The following SPAG16 variants were observed in gnomAD, a reference collection of about 807,000 sequenced individuals.
SPAG16 encodes the protein sperm-associated antigen 16 protein.
A neutral mutation model predicts 80.4 loss-of-function variants in SPAG16; 86 were observed. The observed-to-expected ratio is 1.07, with a 90% confidence interval of 0.90 to 1.28. The LOEUF (loss-of-function observed/expected upper bound fraction) is 1.28, where lower values mean the gene tolerates loss of function less well. Among genes scored for constraint, SPAG16 ranks in the 50% most tolerant of loss-of-function variants. SPAG16 has a pLI of 0.00. For synonymous variants in SPAG16, 294 were observed against 265.9 expected (o/e 1.11, Z -1.03); for missense variants, 870 against 765.3 (o/e 1.14, Z -1.61).
chr2:213,320,992 A>G (rs915626905), intron 5 of SPAG16, among the ~76,000 whole-genome samples: 11 of 152,124 alleles, frequency 7.2e-5, no homozygotes, highest in African/African-American at 2.7e-4. Flanking sequence ...TCAAATAGCA[A>G]TTAGTAATAA....
intron 15 of SPAG16, among the ~76,000 whole-genome samples, chr2:214,251,147 T>C (rs369767121): frequency 2.6e-5 from 4 of 151,868 alleles, no homozygotes; most frequent in African/African-American, 7.2e-5. Context: ...TATTGTAACA[T>C]TGTGAATAAA....
At chr2:213,509,354 T>C (rs946878109) in intron 10 of SPAG16, among the ~76,000 whole-genome samples, 1 of 152,196 alleles carries the variant, frequency 6.6e-6, no homozygotes, top group African/African-American at 2.4e-5. Flanking sequence ...TTCATAAATG[T>C]CTCTGAGAGA....
At chr2:213,872,386 C>T (rs1218092509) in intron 11 of SPAG16, among the ~76,000 whole-genome samples, 1 of 152,032 alleles carries the variant, frequency 6.6e-6, no homozygotes, top group African/African-American at 2.4e-5. Context: ...AAAAAGAAAA[C>T]AAATACACTA....
chr2:214,233,351 A>G (rs1688840668), intron 15 of SPAG16, among the ~76,000 whole-genome samples: 1 of 140,384 alleles, frequency 7.1e-6, no homozygotes, highest in South Asian at 2.1e-4. Flanking sequence ...AATAATGATG[A>G]TGATGATGAT....
chr2:213,542,888 T>G (rs2076498276), intron 10 of SPAG16, among the ~76,000 whole-genome samples: 1 of 152,020 alleles, frequency 6.6e-6, no homozygotes, highest in South Asian at 2.1e-4. Context: ...ATAATAAAAT[T>G]AAAATGAATC....
At chr2:214,268,402 G>A (rs886342825) in intron 15 of SPAG16, among the ~76,000 whole-genome samples, 2 of 151,878 alleles carry the variant, frequency 1.3e-5, no homozygotes, top group East Asian at 3.9e-4. Context: ...AACAATATAA[G>A]TGTCCATCAG....
chr2:213,558,859 C>T (rs1053133791), intron 10 of SPAG16, among the ~76,000 whole-genome samples: 30 of 151,984 alleles, frequency 2.0e-4, no homozygotes, highest in Non-Finnish European at 3.1e-4. Context: ...TACTTTTTTG[C>T]TCTTCTCTCC....
chr2:214,176,458 C>G (rs1410445749), intron 15 of SPAG16, among the ~76,000 whole-genome samples: 2 of 151,204 alleles, frequency 1.3e-5, no homozygotes, highest in African/African-American at 4.8e-5. Flanking sequence ...TATCCTGTAG[C>G]TGTAGTTTTC....
chr2:213,459,983 TG>T (rs111574810), intron 9 of SPAG16, among the ~76,000 whole-genome samples: 9 of 152,314 alleles, frequency 5.9e-5, no homozygotes, highest in African/African-American at 2.2e-4. Context: ...AGTATATTAT[TG>T]TTGAAAAATC....
chr2:213,980,450 C>CTA (rs1162201771), intron 12 of SPAG16, among the ~76,000 whole-genome samples: 2 of 31,738 alleles, frequency 6.3e-5, no homozygotes, highest in Non-Finnish European at 1.2e-4. Context: ...TATATATATT[C>CTA]TATATATATA....
At chr2:213,320,474 T>C (rs2063569350) in intron 5 of SPAG16, among the ~76,000 whole-genome samples, 1 of 152,006 alleles carries the variant, frequency 6.6e-6, no homozygotes, top group Admixed American at 6.6e-5. Context: ...GTAGTCACGC[T>C]ACTGTGATAT....
rs563665253 is a variant in SPAG16, at chr2:214,350,207, T to C, written c.1721-59933T>C. Among the ~76,000 whole-genome samples the C allele has an allele frequency of 2.6e-5, 4 of 152,382 alleles. No homozygotes were observed. In the East Asian group the frequency reaches 5.8e-4, roughly 22 times the overall value. On this transcript the variant is annotated intron_variant, in intron 15 of 15. Coordinates refer to ENST00000331683, the MANE Select transcript of SPAG16 (RefSeq NM_024532.5). ...ACTGGTTTCTTACCTCTGAAACTTATATCTTCCAGCAAATATAGAAAAATG... is the reference window on the plus strand; with the variant it reads ...ACTGGTTTCTTACCTCTGAAACTTACATCTTCCAGCAAATATAGAAAAATG...
intron 14 of SPAG16, among the ~76,000 whole-genome samples, chr2:214,128,414 C>T (rs1041163105): frequency 6.6e-5 from 10 of 151,918 alleles, no homozygotes; most frequent in South Asian, 2.1e-4. Context: ...CTAAGCTCTA[C>T]TCAAGGCTTT....
intron 10 of SPAG16, among the ~76,000 whole-genome samples, chr2:213,742,267 A>G (rs1364052622): frequency 6.6e-6 from 1 of 152,062 alleles, no homozygotes; most frequent in African/African-American, 2.4e-5. Flanking sequence ...TCTGTCTTAT[A>G]TACTTCTAGT....
intron 15 of SPAG16, among the ~76,000 whole-genome samples, chr2:214,279,598 A>G (rs1692747351): frequency 6.6e-6 from 1 of 152,176 alleles, no homozygotes; most frequent in South Asian, 2.1e-4. Flanking sequence ...TGGAGAGGAG[A>G]AAGATACAGA....
At position 213,418,582 on chromosome 2, in the gene SPAG16, T is replaced by C. The variant is rs140892220; in HGVS notation, c.942+43463T>C. 2.6e-5 allele frequency among the ~76,000 whole-genome samples: 4 copies of C among 152,354 alleles called. No individual in the cohort carries two copies. The East Asian group carries it at 7.7e-4, about 29-fold the overall frequency. On this transcript the variant is annotated intron_variant, in intron 9 of 15. Coordinates refer to ENST00000331683, the MANE Select transcript of SPAG16 (RefSeq NM_024532.5). ...CTGGATCTTGATGAATGCAGTATAT[T>C]CTTCAAGGGTAATAATTAGATTTAT...
chr2:213,459,605 G>A (rs12988010), intron 9 of SPAG16, among the ~76,000 whole-genome samples: 40,347 of 152,134 alleles, frequency 0.27, 6,203 homozygotes, highest in Middle Eastern at 0.44. Context: ...TTTCTTGGAA[G>A]GTCTTCAGCT....
chr2:213,923,155 C>G (rs1179245239), intron 11 of SPAG16, among the ~76,000 whole-genome samples: 1 of 152,018 alleles, frequency 6.6e-6, no homozygotes. Flanking sequence ...GGCCAGCAGC[C>G]CTATCAGATG....
chr2:213,317,568 G>A (rs2063450609), intron 5 of SPAG16: 3 of 1,220,178 alleles, frequency 2.5e-6, no homozygotes, highest in Admixed American at 7.7e-5. Flanking sequence ...AGGGAATGCA[G>A]GTAGTTGTTT....
Sources: gnomAD v4.1 joint callset for allele counts (sites outside exome capture counted in the v4.1 genomes callset) on GRCh38, gnomAD v4.1.1 for gene constraint, MANE v1.5 for transcripts, NCBI Gene and HGNC (gene_info 2026-07-23, HGNC 2026-07-21) for gene names.